SYT6: variants seen among roughly 807,000 people sequenced by gnomAD.
SYT6 encodes synaptotagmin 6.
SYT6 carries 24 observed loss-of-function variants against 38.4 expected under a neutral mutation model. That is an observed-to-expected ratio of 0.62 (90% CI 0.45 to 0.88). The LOEUF is 0.88. Ranked by LOEUF, SYT6 falls within the 40% of genes least tolerant of loss-of-function variation. The pLI, the probability that SYT6 is intolerant of heterozygous loss-of-function variation, is 0.00. For missense variants in SYT6, 611 were observed against 621.0 expected, an observed-to-expected ratio of 0.98 and a Z score of 0.17; for synonymous variants, 265 against 241.9, an observed-to-expected ratio of 1.10 and a Z score of -0.89.
chr1:114,140,442 A>G (rs554574699), intron 1 of SYT6, among the ~76,000 whole-genome samples: 1 of 152,222 alleles, frequency 6.6e-6, no homozygotes, highest in African/African-American at 2.4e-5. Context: ...AGGGTGTGAT[A>G]CCTTGGGGGG....
chr1:114,143,585 T>TAA, intron 1 of SYT6, among the ~76,000 whole-genome samples: 2 of 150,236 alleles, frequency 1.3e-5, no homozygotes, highest in Non-Finnish European at 2.9e-5. Flanking sequence ...TATATATATA[T>TAA]AACTTTTATA....
Position 114,150,172 on chromosome 1 carries a change from A to T in SYT6, c.163+3438T>A, listed in dbSNP as rs867638990. On this transcript the variant is annotated intron_variant, in intron 1 of 7. Transcript: ENST00000610222. ...ACCCCTAACTCTGTGGACAGGGAAG[A>T]TAAACTTCAGACAGTTAGAAGAGAA... is the stretch of plus-strand genomic sequence containing the variant. Among the ~76,000 whole-genome samples, 3 of 152,320 alleles carry T rather than the reference A, an allele frequency of 2.0e-5. 1 individual carries two copies. In the South Asian group the frequency reaches 6.2e-4, roughly 32 times the overall value.
chr1:114,121,057 CA>C (rs1379941132), intron 3 of SYT6, among the ~76,000 whole-genome samples: 1 of 152,242 alleles, frequency 6.6e-6, no homozygotes, highest in African/African-American at 2.4e-5. Context: ...GCGATGTCTC[CA>C]TAGCCACCAA....
chr1:114,109,740 T>A (rs1676559538), intron 3 of SYT6, among the ~76,000 whole-genome samples: 1 of 152,098 alleles, frequency 6.6e-6, no homozygotes, highest in Non-Finnish European at 1.5e-5. Context: ...GTTTGGTCGG[T>A]GCAGTAATAG....
intron 3 of SYT6, among the ~76,000 whole-genome samples, chr1:114,121,918 C>A (rs1349856415): frequency 1.3e-5 from 2 of 152,206 alleles, no homozygotes; most frequent in African/African-American, 4.8e-5. Flanking sequence ...CTAGTCACAG[C>A]CCTGTGGTAG....
chr1:114,121,048 C>T (rs143361124), intron 3 of SYT6, among the ~76,000 whole-genome samples: 2 of 152,324 alleles, frequency 1.3e-5, no homozygotes, highest in Admixed American at 6.5e-5. Flanking sequence ...GAGGGACAGG[C>T]GATGTCTCCA....
Position 114,139,796 on chromosome 1 carries a change from A to G in SYT6, c.331T>C (p.Phe111Leu), listed in dbSNP as rs200324360. ...AGCTTGTCCGCCATGTTGCCTCTGA[A>G]GCTGGGGCTCTGGAGGGCTTCCAAG... is the stretch of plus-strand genomic sequence containing the variant. ...PPLEALQSPS[F>L]RGNMADKLKD... The change falls in exon 2 of 8, where the codon TTC (phenylalanine) becomes CTC (leucine). Residue 111 changes from phenylalanine to leucine, a missense_variant. Phe to Leu is a conservative substitution (Grantham distance 22, BLOSUM62 0). Transcript: ENST00000610222. The G allele has an allele frequency of 1.6e-5, 25 of 1,611,068 alleles. No homozygotes were observed. Among genetic ancestry groups the G allele is most frequent in the Non-Finnish European group, 2.1e-5 (25 of 1,178,258 alleles).
intron 6 of SYT6, among the ~76,000 whole-genome samples, chr1:114,095,010 AT>A (rs1429094250): frequency 6.6e-6 from 1 of 152,176 alleles, no homozygotes; most frequent in Non-Finnish European, 1.5e-5. Context: ...GTCAGTGACA[AT>A]TTTAAATAAA....
intron 3 of SYT6, among the ~76,000 whole-genome samples, chr1:114,110,868 C>A (rs1206373433): frequency 6.6e-6 from 1 of 152,190 alleles, no homozygotes; most frequent in Non-Finnish European, 1.5e-5. Context: ...CCACTCCCTC[C>A]AATCCATCCT....
At chr1:114,135,326 C>A (rs529989) in intron 3 of SYT6, among the ~76,000 whole-genome samples, 89,894 of 151,900 alleles carry the variant, frequency 0.59, 26,841 homozygotes, top group East Asian at 0.77. Context: ...GCAACCATAC[C>A]CAGAGGATCG....
chr1:114,129,608 CTTTCTTTCCTTTCTTT>C (rs1404623461), intron 3 of SYT6, among the ~76,000 whole-genome samples: 3,138 of 75,876 alleles, frequency 0.041, 51 homozygotes, highest in Admixed American at 0.095. Context: ...TTCTTTCTTT[CTTTCTTTCCTTTCTTT>C]CTTTCTTTCT....
chr1:114,109,757 G>A (rs1449669138), intron 3 of SYT6, among the ~76,000 whole-genome samples: 1 of 152,152 alleles, frequency 6.6e-6, no homozygotes, highest in Non-Finnish European at 1.5e-5. Flanking sequence ...ATAGAGGTGT[G>A]GACAAGACGT....
At chr1:114,097,901 G>A in intron 5 of SYT6, 24 bp from the exon 6 acceptor site, 2 of 1,613,018 alleles carry the variant, frequency 1.2e-6, no homozygotes, top group Non-Finnish European at 1.7e-6. Context: ...AAAAGTCCCA[G>A]CACTGGCTAC....
At chr1:114,107,750 A>G (rs1199060149) in intron 3 of SYT6, among the ~76,000 whole-genome samples, 2 of 152,210 alleles carry the variant, frequency 1.3e-5, no homozygotes, top group Non-Finnish European at 1.5e-5. Context: ...GGCCCTCACC[A>G]GGTCCTCTCT....
rs3811017 is a variant in SYT6 at position 114,089,448 on chromosome 1, C to G, written c.*2686G>C. ...AGGGGGAGGAGGGCGTCTTTCAGCC[C>G]GGAAACACTGCTAAATAAAGGAGAA... On this transcript the variant is annotated 3_prime_UTR_variant, in exon 8 of 8. Transcript: ENST00000610222. The G allele has an allele frequency of 6.6e-6, 1 of 152,504 alleles. No individual in the cohort carries two copies. Among genetic ancestry groups the G allele is most frequent in the Non-Finnish European group, 1.5e-5 (1 of 68,018 alleles). The allele number at this position is 152,504 out of a possible 1,614,324, so 9.4% of individuals were successfully genotyped here. A position where few individuals can be genotyped will look rare whatever the true frequency, so the allele number is the denominator to read the frequency against.
In SYT6 at chr1:114,091,156, G is replaced by A. The variant is rs1314568662; in HGVS notation, c.*978C>T. 1 of 152,726 alleles carries A rather than the reference G, an allele frequency of 6.5e-6. No individual in the cohort carries two copies. Among genetic ancestry groups the A allele is most frequent in the African/African-American group, 2.4e-5 (1 of 41,420 alleles). The allele number at this position is 152,726 out of a possible 1,614,324, so 9.5% of individuals were successfully genotyped here. The stretch of plus-strand genomic sequence containing the variant: ...TTTAAACAGCAGCTTGATACTTCAT[G>A]GAATTATAAAGCTATGTATAATGCA... On this transcript the variant is annotated 3_prime_UTR_variant, in exon 8 of 8. Transcript: ENST00000610222.
intron 1 of SYT6, among the ~76,000 whole-genome samples, chr1:114,141,511 G>T (rs1678866204): frequency 6.6e-6 from 1 of 152,228 alleles, no homozygotes; most frequent in African/African-American, 2.4e-5. Flanking sequence ...GAGGTTTAAG[G>T]AAAGAAGTCC....
intron 3 of SYT6, among the ~76,000 whole-genome samples, chr1:114,128,489 C>T (rs772395957): frequency 3.9e-5 from 6 of 152,178 alleles, no homozygotes; most frequent in Admixed American, 1.3e-4. Context: ...CCTCCTAGAC[C>T]TTTAAAAACC....
chr1:114,111,793 C>T (rs547146318), intron 3 of SYT6, among the ~76,000 whole-genome samples: 18 of 152,334 alleles, frequency 1.2e-4, no homozygotes, highest in East Asian at 7.7e-4. Context: ...TGGAGACTGA[C>T]GCTCTGCCCG....
Sources: gnomAD v4.1 joint callset for allele counts (sites outside exome capture counted in the v4.1 genomes callset) on GRCh38, gnomAD v4.1.1 for gene constraint, MANE v1.5 for transcripts, NCBI Gene and HGNC (gene_info 2026-07-23, HGNC 2026-07-21) for gene names.